The following SLC1A3 variants were observed in gnomAD, a reference collection of about 807,000 sequenced individuals.
SLC1A3 encodes the protein excitatory amino acid transporter 1.
In SLC1A3, 21 loss-of-function variants were observed where a neutral mutation model predicts 48.1. The observed-to-expected ratio is 0.44, with a 90% CI of 0.31 to 0.63. The LOEUF is 0.63. Ranked by LOEUF, SLC1A3 falls within the 20% of genes least tolerant of loss-of-function variation. SLC1A3 has a pLI of 0.08. For synonymous variants in SLC1A3, 239 were observed against 251.4 expected, an observed-to-expected ratio of 0.95 and a Z score of 0.47; for missense variants, 546 against 689.0, an observed-to-expected ratio of 0.79 and a Z score of 2.32.
intron 2 of SLC1A3, among the ~76,000 whole-genome samples, chr5:36,616,085 A>G (rs1739419361): frequency 1.3e-5 from 2 of 152,072 alleles, no homozygotes; most frequent in African/African-American, 4.8e-5. Flanking sequence ...AATCCCAGCT[A>G]CTCGGGAGGC....
upstream of SLC1A3, among the ~76,000 whole-genome samples, chr5:36,605,090 A>G (rs1375066702): frequency 6.6e-6 from 1 of 152,226 alleles, no homozygotes; most frequent in African/African-American, 2.4e-5. Flanking sequence ...GTTTTGTTTC[A>G]CATCCTAATA....
upstream of SLC1A3, chr5:36,606,238 AC>A (rs1738934729): frequency 6.6e-6 from 1 of 152,252 alleles, no homozygotes; most frequent in Non-Finnish European, 1.5e-5. Context: ...GCTAAAGAGC[AC>A]ACCCTCGTCT....
Position 36,686,416 on chromosome 5 carries a change from C to G in SLC1A3, c.*147C>G. On this transcript the variant is annotated 3_prime_UTR_variant, in exon 10 of 10. Transcript: ENST00000265113. ...AAGACTGGAAAATAGTCCTCCAAAA[C>G]ACAAGGGAGGATTTTGGGTGGCCAA... The G allele has an allele frequency of 1.4e-6, 1 of 706,874 alleles. No homozygotes were observed. The allele number at this position is 706,874 out of a possible 1,614,324, so 43.8% of individuals were successfully genotyped here.
At chr5:36,643,575 G>T (rs1740706097) in intron 3 of SLC1A3, among the ~76,000 whole-genome samples, 1 of 152,044 alleles carries the variant, frequency 6.6e-6, no homozygotes, top group African/African-American at 2.4e-5. Flanking sequence ...TAAAAACGCT[G>T]GGCACTAGAC....
In SLC1A3 at chr5:36,686,539, T is replaced by C. The variant is rs1742656163; in HGVS notation, c.*270T>C. 1 of 477,336 alleles carries C rather than the reference T, an allele frequency of 2.1e-6. No individual in the cohort carries two copies. The highest frequency in any genetic ancestry group is 1.9e-5 in the African/African-American group (1 of 51,424). The allele number at this position is 477,336 out of a possible 1,614,324, so 29.6% of individuals were successfully genotyped here. On this transcript the variant is annotated 3_prime_UTR_variant, in exon 10 of 10. Transcript: ENST00000265113. ...GATCACAAATAGTGTTGATCAGATC[T>C]TACAAGTTTATGTGGCACACAATCC...
Position 36,677,149 on chromosome 5 carries a change from C to G in SLC1A3, c.825C>G (p.Asn275Lys). 2 of 1,613,980 alleles carry G rather than the reference C, an allele frequency of 1.2e-6. No individual in the cohort carries two copies. Among genetic ancestry groups the G allele is most frequent in the South Asian group, 2.2e-5 (2 of 91,088 alleles). Reference protein sequence around the residue: ...QALREFFDSLNEAIMRLVAVI... With the variant: ...QALREFFDSLKEAIMRLVAVI... ...TGAGAGAGTTCTTTGATTCTCTTAACGAAGCCATCATGAGACTGGTAGCAG... is the reference window on the plus strand; with the variant it reads ...TGAGAGAGTTCTTTGATTCTCTTAAGGAAGCCATCATGAGACTGGTAGCAG... Residue 275 changes from asparagine (N) to lysine (K), a missense_variant, in exon 6 of 10, where the codon AAC becomes AAG. Physicochemically the swap from Asn to Lys is moderately conservative, Grantham distance 94. This residue lies in a region of SLC1A3 where 348 missense variants were observed against 392.0 expected (regional missense o/e 0.89). Coordinates refer to ENST00000265113, the MANE Select transcript of SLC1A3 (RefSeq NM_004172.5).
At chr5:36,609,719 G>C (rs767590145) in intron 2 of SLC1A3, among the ~76,000 whole-genome samples, 3 of 152,168 alleles carry the variant, frequency 2.0e-5, no homozygotes, top group Non-Finnish European at 2.9e-5. Context: ...GGTGATTAAT[G>C]ATGGTTCAAT....
At chr5:36,684,286 A>G (rs1039697480) in intron 9 of SLC1A3, among the ~76,000 whole-genome samples, 7 of 152,226 alleles carry the variant, frequency 4.6e-5, no homozygotes, top group African/African-American at 1.7e-4. Context: ...TGCAAAGGCA[A>G]CATAAATCAG....
chr5:36,617,617 T>A (rs923081183), intron 2 of SLC1A3, among the ~76,000 whole-genome samples: 3 of 152,124 alleles, frequency 2.0e-5, no homozygotes, highest in Non-Finnish European at 4.4e-5. Flanking sequence ...TAAATATGTA[T>A]TTATTCCTTT....
At chr5:36,615,432 T>G (rs1018191529) in intron 2 of SLC1A3, among the ~76,000 whole-genome samples, 8 of 152,218 alleles carry the variant, frequency 5.3e-5, no homozygotes, top group Non-Finnish European at 7.3e-5. Flanking sequence ...GTACCATTGC[T>G]AGAATCTTTT....
chr5:36,666,342 G>A (rs147150995), intron 3 of SLC1A3: 10 of 152,306 alleles, frequency 6.6e-5, no homozygotes, highest in East Asian at 5.8e-4. Flanking sequence ...GAGAACAGGC[G>A]TCTTTCATTA....
chr5:36,654,102 A>G (rs1163398948), intron 3 of SLC1A3, among the ~76,000 whole-genome samples: 1 of 152,200 alleles, frequency 6.6e-6, no homozygotes, highest in Non-Finnish European at 1.5e-5. Context: ...TCAGCCTCCA[A>G]AAGTGCTGGG....
chr5:36,683,570 TG>T (rs1304935575), intron 8 of SLC1A3, among the ~76,000 whole-genome samples: 1 of 151,864 alleles, frequency 6.6e-6, no homozygotes, highest in Non-Finnish European at 1.5e-5. Flanking sequence ...TAGTCGAGTG[TG>T]GGGGCATGAA....
chr5:36,615,983 G>A (rs773937546), intron 2 of SLC1A3, among the ~76,000 whole-genome samples: 9 of 152,140 alleles, frequency 5.9e-5, no homozygotes, highest in Non-Finnish European at 1.2e-4. Flanking sequence ...GGATTACTAC[G>A]TCAGGAGTTC....
intron 2 of SLC1A3, among the ~76,000 whole-genome samples, chr5:36,628,176 G>A (rs1159317501): frequency 6.6e-6 from 1 of 152,114 alleles, no homozygotes; most frequent in Non-Finnish European, 1.5e-5. Context: ...GGGTCAGCTG[G>A]ATTTTTTTTA....
rs370208886 is a variant in SLC1A3 at position 36,659,761 on chromosome 5, C to T, written c.320-11268C>T. 9.0e-4 allele frequency among the ~76,000 whole-genome samples: 137 copies of T among 152,294 alleles called. 6 individuals are homozygous for T. The South Asian group carries it at 0.028, about 31-fold the overall frequency. On this transcript the variant is annotated intron_variant, in intron 3 of 9. Coordinates refer to ENST00000265113, the MANE Select transcript of SLC1A3 (RefSeq NM_004172.5). ...TAAGTCCTGTTGACTGTAATAAATA[C>T]ATCAAAGGCTTAATGTTTATGTCCT...
At chr5:36,646,553 A>G (rs1696946219) in intron 3 of SLC1A3, among the ~76,000 whole-genome samples, 1 of 152,218 alleles carries the variant, frequency 6.6e-6, no homozygotes, top group Non-Finnish European at 1.5e-5. Context: ...TTGGTGGCTC[A>G]GGGCCAGCTC....
chr5:36,609,491 C>T (rs372491975), intron 2 of SLC1A3, among the ~76,000 whole-genome samples: 2 of 152,138 alleles, frequency 1.3e-5, no homozygotes, highest in South Asian at 4.1e-4. Context: ...CATTCAGTAC[C>T]GTTTTAATCT....
At chr5:36,612,446 G>A (rs901217046) in intron 2 of SLC1A3, among the ~76,000 whole-genome samples, 4 of 152,088 alleles carry the variant, frequency 2.6e-5, no homozygotes, top group African/African-American at 9.7e-5. Flanking sequence ...GTATCCGGGT[G>A]TAGTGGTACA....
Sources: allele counts gnomAD v4.1 joint callset (sites outside exome capture counted in the v4.1 genomes callset), GRCh38; gene constraint gnomAD v4.1.1; regional missense constraint gnomAD v4.1.1; transcripts MANE v1.5; gene names NCBI Gene and HGNC (gene_info 2026-07-23, HGNC 2026-07-21).